Variants in ZFYVE28 observed in about 807,000 individuals in gnomAD.
The protein encoded by ZFYVE28 is lateral signaling target protein 2 homolog.
ZFYVE28 carries 40 observed loss-of-function variants against 82.1 expected under a neutral mutation model. That is an observed-to-expected ratio of 0.49 (90% CI 0.38 to 0.63). The LOEUF (loss-of-function observed/expected upper bound fraction) is 0.63. ZFYVE28 is among the 30% of genes least tolerant of loss of function. The pLI, the probability that ZFYVE28 is intolerant of heterozygous loss-of-function variation, is 0.00. For synonymous variants in ZFYVE28, 612 were observed against 546.1 expected, an observed-to-expected ratio of 1.12 and a Z score of -1.68; for missense variants, 1,321 against 1,242.1, an observed-to-expected ratio of 1.06 and a Z score of -0.96.
chr4:2,337,509 G>GGA lies in ZFYVE28; in HGVS notation c.522-15_522-14dup. 2 of 1,593,322 alleles carry GGA rather than the reference G, an allele frequency of 1.3e-6. No homozygotes were observed. Among genetic ancestry groups the GGA allele is most frequent in the Non-Finnish European group, 1.7e-6 (2 of 1,168,744 alleles). Reference sequence around the variant, plus strand: ...GGCCGAGACGTAGCTGCAAACACATGGAGACCTGTGAGGCCGCACCTGGGC... The same window carrying GGA: ...GGCCGAGACGTAGCTGCAAACACATGGAGAGACCTGTGAGGCCGCACCTGGGC... On this transcript the variant is annotated splice_polypyrimidine_tract_variant and intron_variant, in intron 4 of 12. Coordinates refer to ENST00000290974, the MANE Select transcript of ZFYVE28 (RefSeq NM_020972.3).
intron 1 of ZFYVE28, among the ~76,000 whole-genome samples, chr4:2,359,216 C>G (rs1725780774): frequency 6.6e-6 from 1 of 151,782 alleles, no homozygotes; most frequent in South Asian, 2.1e-4. Context: ...CACCTGACTT[C>G]ATGATCTGCC....
At position 2,369,854 on chromosome 4, in the gene ZFYVE28, T is replaced by TC. The variant is rs1166111179; in HGVS notation, c.40-15782_40-15781insG. 9.0e-3 allele frequency among the ~76,000 whole-genome samples: 1,243 copies of TC among 138,190 alleles called. 6 individuals are homozygous for TC. The highest frequency in any genetic ancestry group is 0.015 in the Non-Finnish European group (942 of 63,054). 90.7% of individuals were successfully genotyped at this position (138,190 alleles called of 152,430 possible). A position where few individuals can be genotyped will look rare whatever the true frequency, so the allele number is the denominator to read the frequency against. On this transcript the variant is annotated intron_variant, in intron 1 of 12. Transcript: ENST00000290974. The stretch of plus-strand genomic sequence containing the variant: ...AGGGATTTTTTTTTTTCTTTTCTTT[T>TC]TTTTTTTTTTTTTTTGAGACAGAGT...
intron 8 of ZFYVE28, among the ~76,000 whole-genome samples, chr4:2,274,531 C>T (rs536264119): frequency 3.3e-5 from 5 of 152,176 alleles, no homozygotes; most frequent in South Asian, 2.1e-4. Context: ...TAATATCGAC[C>T]GACTGCCCCT....
chr4:2,292,207 A>G (rs1419020898), intron 8 of ZFYVE28, among the ~76,000 whole-genome samples: 1 of 152,206 alleles, frequency 6.6e-6, no homozygotes, highest in Non-Finnish European at 1.5e-5. Flanking sequence ...TGGCCCAGCC[A>G]TGAAGCGAAC....
chr4:2,333,355 C>T lies in ZFYVE28; in HGVS notation c.701+2350G>A, dbSNP rs1268770310. ...CTCCCCTTGCCTCCCAGGATGAAAG[C>T]CTAGGACAGAAGGAGGAGCAGAGGT... is the stretch of plus-strand genomic sequence containing the variant. On this transcript the variant is annotated intron_variant, in intron 6 of 12. Transcript: ENST00000290974. Among the ~76,000 whole-genome samples, 3 of 149,438 alleles carry T rather than the reference C, an allele frequency of 2.0e-5. No homozygotes were observed. The East Asian group carries it at 6.0e-4, about 30-fold the overall frequency.
intron 11 of ZFYVE28, 78 bp downstream of exon 11, chr4:2,271,597 C>G (rs963778432): frequency 6.6e-7 from 1 of 1,518,958 alleles, no homozygotes; most frequent in Non-Finnish European, 9.1e-7. Flanking sequence ...GCCCCTCCCC[C>G]AGGAGGAAGG....
At chr4:2,342,514 C>G (rs1417678703) in intron 2 of ZFYVE28, 1 of 152,236 alleles carries the variant, frequency 6.6e-6, no homozygotes, top group East Asian at 1.9e-4. Context: ...CAGCCTCAGC[C>G]TCCCGAGCGG....
chr4:2,354,208 C>G, intron 1 of ZFYVE28, 135 bp from the exon 2 acceptor site: 2 of 989,330 alleles, frequency 2.0e-6, no homozygotes, highest in Non-Finnish European at 2.8e-6. Context: ...GCTCTTTTAT[C>G]AGCTTTCCAC....
Position 2,320,678 on chromosome 4 carries a change from A to G in ZFYVE28, c.702-407T>C, listed in dbSNP as rs1718945550. ...GAGCTTTATGAGAACTGGACCTGGA[A>G]CCATCTTCTCCAAAAGCAAAACCAG... On this transcript the variant is annotated intron_variant, in intron 6 of 12. Coordinates refer to ENST00000290974, the MANE Select transcript of ZFYVE28 (RefSeq NM_020972.3). The surrounding 1 kb of genome is among the most constrained non-coding windows in gnomAD (Gnocchi z 5.1). 1.3e-5 allele frequency among the ~76,000 whole-genome samples: 2 copies of G among 152,142 alleles called. No individual in the cohort carries two copies. Among genetic ancestry groups the G allele is most frequent in the African/African-American group, 2.4e-5 (1 of 41,416 alleles).
intron 1 of ZFYVE28, chr4:2,364,570 G>T: frequency 1.0e-6 from 1 of 985,532 alleles, no homozygotes; most frequent in Non-Finnish European, 1.2e-6. Context: ...TTAGACGGTC[G>T]GCACTGGGCA....
At position 2,273,182 on chromosome 4, in the gene ZFYVE28, A is replaced by G; in HGVS notation, c.2314T>C (p.Leu772=). The change falls in exon 10 of 13, where the codon TTA becomes CTA. Residue 772 remains leucine, a synonymous_variant. Coordinates refer to ENST00000290974, the MANE Select transcript of ZFYVE28 (RefSeq NM_020972.3). ...CTGAGTGGGCACTCACCCTTCCTTA[A>G]CTTTTCCTTGTCGTCTGTTTCAGGC... is the stretch of plus-strand genomic sequence containing the variant. ...TKPETDDKEK[L]RKVTQTLRSA... 2 of 1,613,348 alleles carry G rather than the reference A, an allele frequency of 1.2e-6. No individual in the cohort carries two copies. Among genetic ancestry groups the G allele is most frequent in the Admixed American group, 3.3e-5 (2 of 59,958 alleles).
intron 1 of ZFYVE28, among the ~76,000 whole-genome samples, chr4:2,398,763 AGG>A (rs879698671): frequency 0.24 from 1,754 of 7,312 alleles, 800 homozygotes; most frequent in African/African-American, 0.35. Flanking sequence ...CCAGTGCACA[AGG>A]TCAGTGGCAG....
chr4:2,327,311 G>A (rs571080157), intron 6 of ZFYVE28, among the ~76,000 whole-genome samples: 18 of 66,556 alleles, frequency 2.7e-4, no homozygotes, highest in Non-Finnish European at 4.2e-4. Context: ...TATATATATC[G>A]AATAAAGTTG....
chr4:2,329,372 T>C (rs1720341787), intron 6 of ZFYVE28, among the ~76,000 whole-genome samples: 1 of 152,232 alleles, frequency 6.6e-6, no homozygotes, highest in Admixed American at 6.5e-5. Context: ...CTCTTTTGAA[T>C]GTTATCACAC....
intron 1 of ZFYVE28, among the ~76,000 whole-genome samples, chr4:2,412,046 C>T (rs921876952): frequency 1.3e-5 from 2 of 152,192 alleles, no homozygotes; most frequent in East Asian, 3.8e-4. Context: ...GCATCTCCCC[C>T]CTGGGGCGCA....
chr4:2,319,948 A>G (rs1718816737), intron 7 of ZFYVE28, among the ~76,000 whole-genome samples: 1 of 152,170 alleles, frequency 6.6e-6, no homozygotes, highest in African/African-American at 2.4e-5. Flanking sequence ...AGCTCAGCCC[A>G]AGAGAGCGCC....
intron 9 of ZFYVE28, 83 bp downstream of exon 9, chr4:2,273,979 T>A: frequency 1.3e-6 from 2 of 1,493,506 alleles, no homozygotes; most frequent in East Asian, 2.3e-5. Flanking sequence ...AGGGGGAGGT[T>A]GTACACGCCC....
At chr4:2,382,702 G>A (rs1728850944) in intron 1 of ZFYVE28, among the ~76,000 whole-genome samples, 2 of 152,192 alleles carry the variant, frequency 1.3e-5, no homozygotes, top group Non-Finnish European at 2.9e-5. Flanking sequence ...ACTTTTGACT[G>A]TGGACTTTTG....
intron 8 of ZFYVE28, among the ~76,000 whole-genome samples, chr4:2,292,649 A>G (rs1193936977): frequency 6.6e-6 from 1 of 152,226 alleles, no homozygotes; most frequent in African/African-American, 2.4e-5. Flanking sequence ...TGCTAGAAAG[A>G]CATTGATTTT....
Sources: gnomAD v4.1 joint callset for allele counts (sites outside exome capture counted in the v4.1 genomes callset) on GRCh38, gnomAD v4.1.1 for gene constraint, Gnocchi (gnomAD v3.1) non-coding constraint, MANE v1.5 for transcripts, NCBI Gene and HGNC (gene_info 2026-07-23, HGNC 2026-07-21) for gene names.